Variants in MAGI2 observed in about 807,000 individuals in gnomAD.
MAGI2 encodes the protein membrane-associated guanylate kinase, WW and PDZ domain-containing protein 2.
A neutral mutation model predicts 133.3 loss-of-function variants in MAGI2; 35 were observed. That is an observed-to-expected ratio of 0.26 (90% CI 0.20 to 0.35). The LOEUF (loss-of-function observed/expected upper bound fraction) is 0.35. MAGI2 is among the 10% of genes least tolerant of loss of function. The pLI, the probability that MAGI2 is intolerant of heterozygous loss-of-function variation, is 1.00. For missense variants in MAGI2, 1,636 were observed against 1,863.4 expected (o/e 0.88, Z 2.25); for synonymous variants, 729 against 710.6 (o/e 1.03, Z -0.41).
intron 2 of MAGI2, among the ~76,000 whole-genome samples, chr7:78,784,299 G>A (rs563176235): frequency 4.0e-5 from 6 of 151,646 alleles, no homozygotes; most frequent in Admixed American, 3.9e-4. Context: ...AAGGATCTCA[G>A]AAGACCTCAG....
chr7:78,552,552 T>C (rs1415736638), intron 3 of MAGI2, among the ~76,000 whole-genome samples: 1 of 152,208 alleles, frequency 6.6e-6, no homozygotes, highest in Non-Finnish European at 1.5e-5. Flanking sequence ...AACAGCCTTA[T>C]TAAACATTTG....
intron 2 of MAGI2, among the ~76,000 whole-genome samples, chr7:78,684,827 A>G (rs943331716): frequency 6.6e-6 from 1 of 152,206 alleles, no homozygotes; most frequent in Admixed American, 6.5e-5. Context: ...CGTATACAAA[A>G]TTATTCAGAA....
At chr7:78,515,934 A>AAT (rs905001101) in intron 4 of MAGI2, among the ~76,000 whole-genome samples, 2 of 152,044 alleles carry the variant, frequency 1.3e-5, no homozygotes, top group Admixed American at 1.3e-4. Flanking sequence ...TAATGTTTAC[A>AAT]ATATATATAT....
intron 1 of MAGI2, among the ~76,000 whole-genome samples, chr7:79,136,975 T>G (rs1244578205): frequency 6.6e-6 from 1 of 152,138 alleles, no homozygotes; most frequent in African/African-American, 2.4e-5. Flanking sequence ...TTACTGTATT[T>G]ACATCAAATA....
At chr7:79,315,606 C>T (rs922725087) in intron 1 of MAGI2, among the ~76,000 whole-genome samples, 3 of 152,172 alleles carry the variant, frequency 2.0e-5, no homozygotes, top group African/African-American at 4.8e-5. Context: ...CGTACCACAG[C>T]TGTATCATAA....
intron 5 of MAGI2, among the ~76,000 whole-genome samples, chr7:78,496,638 A>G (rs536440426): frequency 6.6e-6 from 1 of 152,306 alleles, no homozygotes; most frequent in South Asian, 2.1e-4. Context: ...GATAATGGGA[A>G]TGACTCTGTA....
At chr7:78,381,990 C>G (rs1003572711) in intron 6 of MAGI2, among the ~76,000 whole-genome samples, 1 of 152,070 alleles carries the variant, frequency 6.6e-6, no homozygotes, top group Non-Finnish European at 1.5e-5. Flanking sequence ...AGCAAACAAA[C>G]AAAGTTATTC....
intron 10 of MAGI2, among the ~76,000 whole-genome samples, chr7:78,231,180 T>G (rs955228887): frequency 2.6e-5 from 4 of 152,168 alleles, no homozygotes; most frequent in Non-Finnish European, 5.9e-5. Context: ...GACCACACCT[T>G]AAGGAGCCAG....
intron 2 of MAGI2, among the ~76,000 whole-genome samples, chr7:78,686,881 A>T (rs1217338093): frequency 6.6e-6 from 1 of 152,200 alleles, no homozygotes; most frequent in East Asian, 1.9e-4. Flanking sequence ...AAAGTGAAAC[A>T]TTCCCCTTCA....
chr7:78,607,851 G>A (rs1805988725), intron 3 of MAGI2, among the ~76,000 whole-genome samples: 1 of 152,092 alleles, frequency 6.6e-6, no homozygotes, highest in Non-Finnish European at 1.5e-5. Flanking sequence ...CCCGCCTCTG[G>A]TACTCTCCAA....
chr7:78,543,560 T>A (rs1457353166), intron 3 of MAGI2, among the ~76,000 whole-genome samples: 1 of 152,208 alleles, frequency 6.6e-6, no homozygotes, highest in East Asian at 1.9e-4. Flanking sequence ...ACTCTCTCCA[T>A]AGAAAAGGGC....
chr7:78,448,067 C>A (rs530091630), intron 6 of MAGI2, among the ~76,000 whole-genome samples: 1 of 152,096 alleles, frequency 6.6e-6, no homozygotes, highest in Non-Finnish European at 1.5e-5. Context: ...TAATGCCCTC[C>A]AGTTCATCCA....
chr7:79,311,761 G>C (rs1838310798), intron 1 of MAGI2, among the ~76,000 whole-genome samples: 3 of 152,006 alleles, frequency 2.0e-5, no homozygotes, highest in Admixed American at 2.0e-4. Flanking sequence ...AAACAATATT[G>C]TAACCACTTG....
chr7:79,069,543 C>T (rs962028500), intron 1 of MAGI2, among the ~76,000 whole-genome samples: 2 of 152,148 alleles, frequency 1.3e-5, no homozygotes, highest in Non-Finnish European at 2.9e-5. Flanking sequence ...GGTCTTGACT[C>T]TATCCAATTT....
chr7:78,638,336 A>G (rs189575982), intron 2 of MAGI2, among the ~76,000 whole-genome samples: 6 of 152,368 alleles, frequency 3.9e-5, no homozygotes, highest in Non-Finnish European at 8.8e-5. Flanking sequence ...TCATTTATTC[A>G]TACATTTGAA....
At chr7:78,700,545 T>C (rs986893152) in intron 2 of MAGI2, among the ~76,000 whole-genome samples, 4 of 152,130 alleles carry the variant, frequency 2.6e-5, no homozygotes, top group Non-Finnish European at 5.9e-5. Flanking sequence ...AAAGTCCATC[T>C]GACAGTGTTT....
At chr7:79,186,364 A>C (rs1827147837) in intron 1 of MAGI2, among the ~76,000 whole-genome samples, 1 of 149,512 alleles carries the variant, frequency 6.7e-6, no homozygotes, top group Non-Finnish European at 1.5e-5. Flanking sequence ...AAAGTAGCTG[A>C]TAGTAGATCT....
intron 1 of MAGI2, among the ~76,000 whole-genome samples, chr7:79,393,675 G>T (rs1474698062): frequency 6.6e-6 from 1 of 152,050 alleles, no homozygotes. Flanking sequence ...AATCCCACAG[G>T]TATTACTTGT....
intron 1 of MAGI2, among the ~76,000 whole-genome samples, chr7:79,422,612 A>G (rs1363972313): frequency 6.6e-6 from 1 of 152,074 alleles, no homozygotes; most frequent in South Asian, 2.1e-4. Flanking sequence ...TGCAATTTCA[A>G]ACAGTAAGGT....
Sources: allele counts gnomAD v4.1 joint callset (sites outside exome capture counted in the v4.1 genomes callset), GRCh38; gene constraint gnomAD v4.1.1; transcripts MANE v1.5; gene names NCBI Gene and HGNC (gene_info 2026-07-23, HGNC 2026-07-21).